Variants in DSC2 observed in about 807,000 individuals in gnomAD.
DSC2 encodes the protein desmocollin-2.
DSC2 carries 51 observed loss-of-function variants against 87.6 expected under a neutral mutation model. The observed-to-expected ratio is 0.58, with a 90% CI of 0.46 to 0.74. The LOEUF (loss-of-function observed/expected upper bound fraction) is 0.74. Ranked by LOEUF, DSC2 falls within the 30% of genes least tolerant of loss-of-function variation. DSC2 has a pLI of 0.00. For synonymous variants in DSC2, 383 were observed against 393.2 expected, an observed-to-expected ratio of 0.97 and a Z score of 0.31; for missense variants, 1,066 against 1,089.5, an observed-to-expected ratio of 0.98 and a Z score of 0.30.
Position 31,102,029 on chromosome 18 carries a change from C to T in DSC2, c.-58G>A. On this transcript the variant is annotated 5_prime_UTR_variant, in exon 1 of 16. Transcript: ENST00000280904. The stretch of plus-strand genomic sequence containing the variant: ...GTCGGGCCGGGGTAGGAGGGCTCCG[C>T]GGGGCGAGGGCCGCGGCCGGAGCGC... 1 of 1,364,744 alleles carries T rather than the reference C, an allele frequency of 7.3e-7. No individual in the cohort carries two copies. The highest frequency in any genetic ancestry group is 3.2e-5 in the Admixed American group (1 of 30,868). 84.5% of individuals were successfully genotyped at this position (1,364,744 alleles called of 1,614,324 possible).
intron 15 of DSC2, 77 bp downstream of exon 15, chr18:31,068,817 T>G: frequency 6.5e-7 from 1 of 1,543,074 alleles, no homozygotes; most frequent in Non-Finnish European, 8.9e-7. Context: ...TTGAAAATTA[T>G]AGTCAGAATC....
At position 31,093,566 on chromosome 18, in the gene DSC2, A is replaced by G. The variant is rs1987669888; in HGVS notation, c.147T>C (p.Val49=). ...VPSKLDAEKL[V]GRVNLKECFT... is the part of the protein sequence containing the mutation. ...ATTTTAGGGCTTCCTTACCTCTACC[A>G]ACAAGTTTCTCGGCATCTAGTTTGG... The change falls in exon 2 of 16, where the codon GTT becomes GTC. Residue 49 remains valine, a synonymous_variant. Transcript: ENST00000280904. 1 of 1,605,620 alleles carries G rather than the reference A, an allele frequency of 6.2e-7. No homozygotes were observed. The highest frequency in any genetic ancestry group is 8.5e-7 in the Non-Finnish European group (1 of 1,174,432).
At chr18:31,097,322 A>G (rs1054327733) in intron 1 of DSC2, among the ~76,000 whole-genome samples, 3 of 151,592 alleles carry the variant, frequency 2.0e-5, no homozygotes, top group Non-Finnish European at 4.4e-5. Context: ...TTCAAAAGCA[A>G]TTAAAAGTTG....
At chr18:31,100,638 A>G (rs1249031356) in intron 1 of DSC2, among the ~76,000 whole-genome samples, 2 of 152,228 alleles carry the variant, frequency 1.3e-5, no homozygotes, top group Admixed American at 1.3e-4. Context: ...TTACCAATTC[A>G]TGATTGTAAA....
rs1248766536 is a variant in DSC2 at position 31,066,800 on chromosome 18, C to A, written c.*1215G>T. The A allele has an allele frequency of 6.6e-6, 1 of 152,054 alleles. No homozygotes were observed. Among genetic ancestry groups the A allele is most frequent in the Non-Finnish European group, 1.5e-5 (1 of 67,982 alleles). The allele number at this position is 152,054 out of a possible 1,614,324, so 9.4% of individuals were successfully genotyped here. Reference sequence around the variant, plus strand: ...TAACTTTACAAACACACAGATATGACTAGCCATTTTATCTAAGTTATAAAA... The same window carrying A: ...TAACTTTACAAACACACAGATATGAATAGCCATTTTATCTAAGTTATAAAA... On this transcript the variant is annotated 3_prime_UTR_variant, in exon 16 of 16. Coordinates refer to ENST00000280904, the MANE Select transcript of DSC2 (RefSeq NM_024422.6).
At position 31,071,896 on chromosome 18, in the gene DSC2, G is replaced by A; in HGVS notation, c.1889-55C>T. 2.1e-6 allele frequency: 3 copies of A among 1,446,154 alleles called. No individual in the cohort carries two copies. In the South Asian group the frequency reaches 3.5e-5, roughly 17 times the overall value. The allele number at this position is 1,446,154 out of a possible 1,614,324, so 89.6% of individuals were successfully genotyped here. On this transcript the variant is annotated intron_variant, in intron 12 of 15. Coordinates refer to ENST00000280904, the MANE Select transcript of DSC2 (RefSeq NM_024422.6). ...TTATACAATGTCACTGATTTCTTCT[G>A]AACATAAATAACTCATTATCAGATA...
intron 7 of DSC2, among the ~76,000 whole-genome samples, 184 bp from the exon 8 acceptor site, chr18:31,083,244 T>C (rs781141757): frequency 3.3e-5 from 5 of 152,244 alleles, no homozygotes; most frequent in Non-Finnish European, 7.3e-5. Flanking sequence ...TCTTTCTTTT[T>C]CTTTTCTGAG....
chr18:31,094,725 T>A (rs1987710149), intron 1 of DSC2, among the ~76,000 whole-genome samples: 1 of 152,224 alleles, frequency 6.6e-6, no homozygotes, highest in Non-Finnish European at 1.5e-5. Flanking sequence ...CAGTTTTAAT[T>A]ACATTTGAAG....
At position 31,082,933 on chromosome 18, in the gene DSC2, C is replaced by T. The variant is rs201201194; in HGVS notation, c.1070G>A (p.Arg357His). The change falls in exon 8 of 16, where the codon CGT becomes CAT. Residue 357 changes from arginine (R) to histidine (H), a missense_variant. Physicochemically the swap from Arg to His is conservative, Grantham distance 29. Transcript: ENST00000280904. Reference sequence around the variant, plus strand: ...TTAATATCATACACTTACAGAAGTACGAGTAAATGTTGGCAAGTGGTCATT... The same window carrying T: ...TTAATATCATACACTTACAGAAGTATGAGTAAATGTTGGCAAGTGGTCATT... Reference protein sequence around the residue: ...DVNDHLPTFTRTSYVTSVEEN... With the variant: ...DVNDHLPTFTHTSYVTSVEEN... The T allele has an allele frequency of 6.8e-5, 109 of 1,613,154 alleles. No individual in the cohort carries two copies. The East Asian group carries it at 1.6e-3, about 23-fold the overall frequency.
At position 31,083,025 on chromosome 18, in the gene DSC2, T is replaced by G; in HGVS notation, c.978A>C (p.Gln326His). The change falls in exon 8 of 16, where the codon CAA becomes CAC. Residue 326 changes from glutamine (Q) to histidine (H), a missense_variant. Physicochemically the swap from Gln to His is conservative, Grantham distance 24. Coordinates refer to ENST00000280904, the MANE Select transcript of DSC2 (RefSeq NM_024422.6). ...IDKYQLKIKVQDMDGQYFGLQ... is the reference protein window; with the variant it reads ...IDKYQLKIKVHDMDGQYFGLQ... The stretch of plus-strand genomic sequence containing the variant: ...GACCAAAATACTGACCATCCATGTC[T>G]TGTACTTTTATTTTCAACTGGTACT... The G allele has an allele frequency of 6.2e-7, 1 of 1,613,034 alleles. No homozygotes were observed.
intron 14 of DSC2, 84 bp downstream of exon 14, chr18:31,070,642 T>C: frequency 6.3e-7 from 1 of 1,594,396 alleles, no homozygotes; most frequent in Non-Finnish European, 8.6e-7. Context: ...AAAAGAACTT[T>C]TCTGAGAAAA....
Position 31,064,682 on chromosome 18 carries a change from G to C in DSC2, c.*3333C>G, listed in dbSNP as rs987599172. 6.6e-6 allele frequency: 1 copy of C among 152,072 alleles called. No homozygotes were observed. The highest frequency in any genetic ancestry group is 1.5e-5 in the Non-Finnish European group (1 of 68,030). The allele number at this position is 152,072 out of a possible 1,614,324, so 9.4% of individuals were successfully genotyped here. A position where few individuals can be genotyped will look rare whatever the true frequency, so the allele number is the denominator to read the frequency against. ...CAGGGGAGCTGATATAAGAGCTGTA[G>C]GTTTATACGGATATCAGGTAACTTC... is the stretch of plus-strand genomic sequence containing the variant. On this transcript the variant is annotated 3_prime_UTR_variant, in exon 16 of 16. Transcript: ENST00000280904.
At chr18:31,071,922 G>C in intron 12 of DSC2, 81 bp from the exon 13 acceptor site, 3 of 1,269,172 alleles carry the variant, frequency 2.4e-6, no homozygotes, top group Non-Finnish European at 3.4e-6. Flanking sequence ...TTATCAGATA[G>C]TTATATTTTC....
chr18:31,091,109 C>A lies in DSC2; in HGVS notation c.393G>T (p.Arg131Ser), dbSNP rs987038341. The A allele has an allele frequency of 6.2e-7, 1 of 1,613,970 alleles. No individual in the cohort carries two copies. The highest frequency in any genetic ancestry group is 8.5e-7 in the Non-Finnish European group (1 of 1,179,926). ...KKRHTKEKVL[R>S]RAKRRWAPIP... ...TTGGAGCCCATCTTCTCTTGGCGCG[C>A]CTTAGAACTTTTTCTTTAGTATGTC... Residue 131 changes from arginine to serine, a missense_variant, in exon 4 of 16, where the codon AGG becomes AGT. Transcript: ENST00000280904.
Position 31,102,120 on chromosome 18 carries a change from T to C in DSC2, c.-149A>G. On this transcript the variant is annotated 5_prime_UTR_variant, in exon 1 of 16. Coordinates refer to ENST00000280904, the MANE Select transcript of DSC2 (RefSeq NM_024422.6). ...GGTGGGGCGCGCGGAGAGGTGCTTT[T>C]CTTAGCTTCTCTGAAGCGCCTGCCT... The C allele has an allele frequency of 1.6e-6, 1 of 607,652 alleles. No individual in the cohort carries two copies. Among genetic ancestry groups the C allele is most frequent in the South Asian group, 2.8e-5 (1 of 35,984 alleles). The allele number at this position is 607,652 out of a possible 1,614,324, so 37.6% of individuals were successfully genotyped here. A position where few individuals can be genotyped will look rare whatever the true frequency, so the allele number is the denominator to read the frequency against.
Position 31,091,155 on chromosome 18 carries a change from C to T in DSC2, c.355-8G>A. 6.2e-7 allele frequency: 1 copy of T among 1,613,658 alleles called. No homozygotes were observed. The highest frequency in any genetic ancestry group is 8.5e-7 in the Non-Finnish European group (1 of 1,179,732). On this transcript the variant is annotated splice_region_variant and splice_polypyrimidine_tract_variant and intron_variant, in intron 3 of 15. Coordinates refer to ENST00000280904, the MANE Select transcript of DSC2 (RefSeq NM_024422.6). Reference sequence around the variant, plus strand: ...ATGTCTTTTCTTTAGGACCTCAATTCATAAGACAGGAAAAAATAATAAAGT... The same window carrying T: ...ATGTCTTTTCTTTAGGACCTCAATTTATAAGACAGGAAAAAATAATAAAGT...
At chr18:31,081,718 C>A (rs1987224608) in intron 9 of DSC2, among the ~76,000 whole-genome samples, 1 of 152,164 alleles carries the variant, frequency 6.6e-6, no homozygotes, top group Non-Finnish European at 1.5e-5. Flanking sequence ...CTAACTCTGG[C>A]TGCTGAAATA....
rs1457455264 is a variant in DSC2 at position 31,070,925 on chromosome 18, C to A, written c.2126-75G>T. On this transcript the variant is annotated intron_variant, in intron 13 of 15. Transcript: ENST00000280904. Reference sequence around the variant, plus strand: ...TTATAAATGTACAATGGTTAATACACACATAAATCATAAACTTAAAAGTGT... The same window carrying A: ...TTATAAATGTACAATGGTTAATACAAACATAAATCATAAACTTAAAAGTGT... 3.9e-6 allele frequency: 6 copies of A among 1,520,404 alleles called. No homozygotes were observed. The African/African-American group carries it at 4.2e-5, about 11-fold the overall frequency. 94.2% of individuals were successfully genotyped at this position (1,520,404 alleles called of 1,614,324 possible). A position where few individuals can be genotyped will look rare whatever the true frequency, so the allele number is the denominator to read the frequency against.
intron 1 of DSC2, among the ~76,000 whole-genome samples, chr18:31,098,482 T>G (rs1287935541): frequency 6.6e-6 from 1 of 151,714 alleles, no homozygotes; most frequent in Non-Finnish European, 1.5e-5. Flanking sequence ...TCTAACAGAG[T>G]CTTGCTCTGT....
Sources: gnomAD v4.1 joint callset for allele counts (sites outside exome capture counted in the v4.1 genomes callset) on GRCh38, gnomAD v4.1.1 for gene constraint, MANE v1.5 for transcripts, NCBI Gene and HGNC (gene_info 2026-07-23, HGNC 2026-07-21) for gene names.